MCC: variants seen among roughly 807,000 people sequenced by gnomAD.
MCC encodes the protein colorectal mutant cancer protein.
In MCC, 90 loss-of-function variants were observed where a neutral mutation model predicts 116.2. The observed-to-expected ratio is 0.77, with a 90% CI of 0.65 to 0.92. The LOEUF (loss-of-function observed/expected upper bound fraction) is 0.92, where lower values mean the gene tolerates loss of function less well. Ranked by LOEUF, MCC falls within the 40% of genes least tolerant of loss-of-function variation. The pLI, the probability that MCC is intolerant of heterozygous loss-of-function variation, is 0.00. For missense variants in MCC, 1,516 were observed against 1,312.2 expected (o/e 1.16, Z -2.40); for synonymous variants, 578 against 510.5 (o/e 1.13, Z -1.78).
At chr5:113,465,771 G>A (rs1050344115) in intron 1 of MCC, among the ~76,000 whole-genome samples, 1 of 152,118 alleles carries the variant, frequency 6.6e-6, no homozygotes, top group Non-Finnish European at 1.5e-5. Flanking sequence ...AAACTCACTA[G>A]GATTCAAAGA....
intron 1 of MCC, among the ~76,000 whole-genome samples, chr5:113,399,078 A>G (rs1769608024): frequency 6.6e-6 from 1 of 152,242 alleles, no homozygotes; most frequent in Admixed American, 6.5e-5. Flanking sequence ...GCACAAGTAT[A>G]GAATATGTTT....
intron 8 of MCC, among the ~76,000 whole-genome samples, chr5:113,088,836 G>A (rs544128947): frequency 2.1e-4 from 32 of 152,048 alleles, no homozygotes; most frequent in Non-Finnish European, 4.1e-4. Context: ...TTGAGACACG[G>A]TCTCACTATG....
chr5:113,387,850 T>C (rs1232024218), intron 1 of MCC, among the ~76,000 whole-genome samples: 1 of 152,240 alleles, frequency 6.6e-6, no homozygotes, highest in East Asian at 1.9e-4. Flanking sequence ...GCCATTATTA[T>C]GGTTGTTTTA....
chr5:113,305,578 G>T (rs149073919), intron 3 of MCC, among the ~76,000 whole-genome samples: 1 of 151,678 alleles, frequency 6.6e-6, no homozygotes, highest in African/African-American at 2.4e-5. Flanking sequence ...TAGTCCTTTC[G>T]TCCCCACTTG....
intron 1 of MCC, among the ~76,000 whole-genome samples, chr5:113,420,840 T>C (rs1770314338): frequency 6.6e-6 from 1 of 152,208 alleles, no homozygotes; most frequent in Non-Finnish European, 1.5e-5. Flanking sequence ...CCTGCTTAAC[T>C]GCCTTTCCGG....
intron 3 of MCC, among the ~76,000 whole-genome samples, chr5:113,327,415 G>A (rs1767583139): frequency 6.6e-6 from 1 of 150,960 alleles, no homozygotes; most frequent in African/African-American, 2.4e-5. Flanking sequence ...GTGTGGTGGT[G>A]TGAGCCTGTA....
intron 8 of MCC, among the ~76,000 whole-genome samples, chr5:113,094,689 G>A (rs530893820): frequency 2.0e-5 from 3 of 152,084 alleles, no homozygotes; most frequent in Non-Finnish European, 4.4e-5. Flanking sequence ...CAAAGTGCTG[G>A]GATTACAGGC....
intron 2 of MCC, among the ~76,000 whole-genome samples, chr5:113,349,600 GA>G (rs1768217892): frequency 6.6e-6 from 1 of 151,966 alleles, no homozygotes; most frequent in Admixed American, 6.6e-5. Flanking sequence ...ACTAAATGGG[GA>G]AAAATTGAAA....
At chr5:113,232,055 C>T (rs1010097987) in intron 3 of MCC, among the ~76,000 whole-genome samples, 3 of 152,072 alleles carry the variant, frequency 2.0e-5, no homozygotes, top group African/African-American at 7.2e-5. Context: ...AGTTTATCAC[C>T]ACCTCAAGCA....
Position 113,073,231 on chromosome 5 carries a change from C to T in MCC, c.1785-1997G>A, listed in dbSNP as rs899464307. 2.6e-5 allele frequency among the ~76,000 whole-genome samples: 4 copies of T among 152,150 alleles called. No individual in the cohort carries two copies. The East Asian group carries it at 7.7e-4, about 29-fold the overall frequency. The stretch of plus-strand genomic sequence containing the variant: ...CCTGAGGATCTTTTTTGAGACCATT[C>T]CTTTCTCTTATTCAAGTGCAACCCA... On this transcript the variant is annotated intron_variant, in intron 11 of 18. Transcript: ENST00000408903.
At chr5:113,176,036 C>G (rs1761316007) in intron 3 of MCC, among the ~76,000 whole-genome samples, 1 of 152,144 alleles carries the variant, frequency 6.6e-6, no homozygotes. Flanking sequence ...TTTCAAGGAG[C>G]TGATTTTGTC....
chr5:113,327,564 A>T (rs936111861), intron 3 of MCC, among the ~76,000 whole-genome samples: 1 of 80,504 alleles, frequency 1.2e-5, no homozygotes, highest in Admixed American at 1.2e-4. Context: ...AAAAAAAAAT[A>T]TATATATATA....
chr5:113,041,371 T>C (rs1355640411), intron 17 of MCC, among the ~76,000 whole-genome samples: 1 of 152,228 alleles, frequency 6.6e-6, no homozygotes, highest in Non-Finnish European at 1.5e-5. Context: ...AAAGGAGTGC[T>C]CTTTGTATAT....
intron 3 of MCC, among the ~76,000 whole-genome samples, chr5:113,235,488 T>A (rs1213095471): frequency 6.6e-6 from 1 of 152,168 alleles, no homozygotes; most frequent in Non-Finnish European, 1.5e-5. Flanking sequence ...TCAATTTAAG[T>A]GGAATTTAGC....
intron 2 of MCC, among the ~76,000 whole-genome samples, chr5:113,364,025 A>G (rs1002129657): frequency 3.3e-5 from 5 of 152,104 alleles, no homozygotes; most frequent in Non-Finnish European, 5.9e-5. Context: ...CAAGGTCAGG[A>G]ATTCAAGACC....
chr5:113,211,756 A>G (rs979773021), intron 3 of MCC, among the ~76,000 whole-genome samples: 73 of 152,350 alleles, frequency 4.8e-4, no homozygotes, highest in African/African-American at 1.7e-3. Flanking sequence ...GGTTATCCTA[A>G]AACTCCCCTT....
chr5:113,462,070 T>G (rs963699591), intron 1 of MCC, among the ~76,000 whole-genome samples: 36 of 152,330 alleles, frequency 2.4e-4, no homozygotes, highest in African/African-American at 7.9e-4. Context: ...CAAAAAAAAT[T>G]AGAAACTGAG....
intron 1 of MCC, among the ~76,000 whole-genome samples, chr5:113,458,411 G>T (rs1771642967): frequency 2.0e-5 from 3 of 151,122 alleles, no homozygotes; most frequent in Non-Finnish European, 2.9e-5. Flanking sequence ...CCACCAGAAG[G>T]AAGAAACTCC....
At chr5:113,174,827 G>A (rs1315287293) in intron 3 of MCC, among the ~76,000 whole-genome samples, 1 of 152,158 alleles carries the variant, frequency 6.6e-6, no homozygotes, top group East Asian at 1.9e-4. Context: ...GGGCTCAGAC[G>A]ATCCTCCTGC....
Sources: gnomAD v4.1 joint callset for allele counts (sites outside exome capture counted in the v4.1 genomes callset) on GRCh38, gnomAD v4.1.1 for gene constraint, MANE v1.5 for transcripts, NCBI Gene and HGNC (gene_info 2026-07-23, HGNC 2026-07-21) for gene names.